Variants in OSBPL10 observed in about 807,000 individuals in gnomAD.
OSBPL10 encodes oxysterol binding protein like 10.
OSBPL10 carries 49 observed loss-of-function variants against 81.7 expected under a neutral mutation model. The ratio of observed to expected loss-of-function variants is 0.60; its 90% CI spans 0.48 to 0.76. OSBPL10 has a LOEUF of 0.76. Ranked by LOEUF, OSBPL10 falls within the 30% of genes least tolerant of loss-of-function variation. The pLI, the probability that OSBPL10 is intolerant of heterozygous loss-of-function variation, is 0.00. For synonymous variants in OSBPL10, 419 were observed against 383.6 expected, an observed-to-expected ratio of 1.09 and a Z score of -1.08; for missense variants, 923 against 987.8, an observed-to-expected ratio of 0.93 and a Z score of 0.88.
At chr3:31,708,179 C>T (rs1328930290) in intron 6 of OSBPL10, among the ~76,000 whole-genome samples, 3 of 152,140 alleles carry the variant, frequency 2.0e-5, no homozygotes, top group Non-Finnish European at 2.9e-5. Flanking sequence ...CTCAAGTGAT[C>T]CTCCCATCTT....
At chr3:31,904,208 C>T (rs1696337485) in intron 1 of OSBPL10, among the ~76,000 whole-genome samples, 1 of 152,108 alleles carries the variant, frequency 6.6e-6, no homozygotes, top group Non-Finnish European at 1.5e-5. Flanking sequence ...AGTTTTATTG[C>T]TTGATTACCT....
intron 5 of OSBPL10, among the ~76,000 whole-genome samples, chr3:31,735,971 G>A (rs1697145856): frequency 6.6e-6 from 1 of 152,130 alleles, no homozygotes; most frequent in Non-Finnish European, 1.5e-5. Context: ...AGCAAAGAGT[G>A]TACGCTCAGT....
chr3:32,051,631 T>C (rs1197520338), intron 1 of OSBPL10, among the ~76,000 whole-genome samples: 1 of 152,230 alleles, frequency 6.6e-6, no homozygotes, highest in Non-Finnish European at 1.5e-5. Flanking sequence ...TCTATTTTCC[T>C]TTCCAGCCAT....
rs986926640 is a variant in OSBPL10, at chr3:31,878,452, A to G, written c.457+1203T>C. 8.4e-5 allele frequency among the ~76,000 whole-genome samples: 12 copies of G among 143,616 alleles called. No homozygotes were observed. In the East Asian group the frequency reaches 1.9e-3, roughly 22 times the overall value. 94.2% of individuals were successfully genotyped at this position (143,616 alleles called of 152,430 possible). ...GAACATGAATCTTATCACATTCCTG[A>G]AAGTTTTTTATCAACTATAGACATT... On this transcript the variant is annotated intron_variant, in intron 2 of 11. Transcript: ENST00000396556.
At chr3:31,724,864 G>A (rs1230507602) in intron 6 of OSBPL10, among the ~76,000 whole-genome samples, 2 of 152,158 alleles carry the variant, frequency 1.3e-5, no homozygotes, top group African/African-American at 4.8e-5. Flanking sequence ...CAGACAGGAG[G>A]AGCTCTTAAC....
chr3:32,027,302 T>C (rs1699425293), intron 2 of OSBPL10, among the ~76,000 whole-genome samples: 1 of 152,116 alleles, frequency 6.6e-6, no homozygotes, highest in Non-Finnish European at 1.5e-5. Flanking sequence ...ATCTTAAAAA[T>C]GCGAATACTA....
intron 4 of OSBPL10, chr3:31,822,173 G>C (rs1042945443): frequency 5.3e-5 from 8 of 152,186 alleles, no homozygotes; most frequent in Non-Finnish European, 1.2e-4. Flanking sequence ...AAATTACACA[G>C]CCTCAACCCA....
intron 1 of OSBPL10, among the ~76,000 whole-genome samples, chr3:31,965,756 A>G (rs1409106982): frequency 1.5e-5 from 1 of 68,712 alleles, no homozygotes; most frequent in Non-Finnish European, 2.4e-5. Flanking sequence ...AATATATATT[A>G]TATTAAAAGA....
rs552421337 is a variant in OSBPL10 at position 31,840,315 on chromosome 3, ATAAC to A, written c.538-10088_538-10085del. ...GCAAATTTGATTTTTCTTAAAATCA[ATAAC>A]TAATCTCTGACAGAGCACTCCTGTC... is the stretch of plus-strand genomic sequence containing the variant. On this transcript the variant is annotated intron_variant, in intron 3 of 11. Transcript: ENST00000396556. 3.0e-4 allele frequency among the ~76,000 whole-genome samples: 45 copies of A among 152,342 alleles called. No homozygotes were observed. The East Asian group carries it at 8.5e-3, about 29-fold the overall frequency.
At chr3:31,900,126 A>G (rs1696190406) in intron 1 of OSBPL10, among the ~76,000 whole-genome samples, 1 of 151,594 alleles carries the variant, frequency 6.6e-6, no homozygotes, top group Non-Finnish European at 1.5e-5. Flanking sequence ...CCCAGGCTCA[A>G]GTGATCCTCA....
intron 1 of OSBPL10, among the ~76,000 whole-genome samples, chr3:31,904,824 G>A (rs1374180946): frequency 6.6e-6 from 1 of 152,188 alleles, no homozygotes; most frequent in African/African-American, 2.4e-5. Flanking sequence ...GAGATAGCTG[G>A]TGTTTGGCCA....
chr3:31,903,269 T>C (rs12485737), intron 1 of OSBPL10, among the ~76,000 whole-genome samples: 20 of 151,904 alleles, frequency 1.3e-4, no homozygotes, highest in Admixed American at 3.3e-4. Context: ...TAATTGCTAA[T>C]ATTTCCCTAA....
chr3:31,694,095 G>T (rs917883877), intron 7 of OSBPL10, among the ~76,000 whole-genome samples: 7 of 152,184 alleles, frequency 4.6e-5, no homozygotes, highest in African/African-American at 1.4e-4. Flanking sequence ...TGCTGGCCGG[G>T]TGCAAAGGCT....
chr3:31,923,924 A>G (rs1267631579), intron 1 of OSBPL10, among the ~76,000 whole-genome samples: 1 of 152,152 alleles, frequency 6.6e-6, no homozygotes, highest in Non-Finnish European at 1.5e-5. Context: ...TGAAATTGGA[A>G]TATATTTGTC....
intron 1 of OSBPL10, among the ~76,000 whole-genome samples, chr3:31,941,075 C>T (rs1372861053): frequency 5.3e-5 from 8 of 152,062 alleles, no homozygotes; most frequent in South Asian, 4.1e-4. Context: ...AACGTTTGTC[C>T]GACAGGTGAA....
At chr3:31,663,877 C>T (rs1421308834) in intron 11 of OSBPL10, 1 of 1,453,604 alleles carries the variant, frequency 6.9e-7, no homozygotes, top group African/African-American at 1.4e-5. Flanking sequence ...GTTCTGCCCT[C>T]CAGAAGGTTT....
intron 1 of OSBPL10, among the ~76,000 whole-genome samples, chr3:32,052,862 A>G (rs905424922): frequency 1.3e-5 from 2 of 152,206 alleles, no homozygotes; most frequent in Non-Finnish European, 2.9e-5. Context: ...TGCGGGGCTT[A>G]AAACCTAGAT....
chr3:31,667,016 C>G (rs1055648052), intron 10 of OSBPL10, among the ~76,000 whole-genome samples: 1 of 152,232 alleles, frequency 6.6e-6, no homozygotes, highest in African/African-American at 2.4e-5. Context: ...CATCCCTGCT[C>G]TAAGCTGAAT....
intron 2 of OSBPL10, among the ~76,000 whole-genome samples, chr3:32,022,380 G>T (rs1200814212): frequency 2.6e-5 from 4 of 152,140 alleles, no homozygotes; most frequent in Non-Finnish European, 5.9e-5. Flanking sequence ...GGATGGCGAG[G>T]CAGTTACAGG....
Sources: allele counts gnomAD v4.1 joint callset (sites outside exome capture counted in the v4.1 genomes callset), GRCh38; gene constraint gnomAD v4.1.1; transcripts MANE v1.5; gene names NCBI Gene and HGNC (gene_info 2026-07-23, HGNC 2026-07-21).